Variants in PSD3 observed in about 807,000 individuals in gnomAD.
PSD3 encodes the protein PH and SEC7 domain-containing protein 3.
Under a neutral mutation model 105.5 loss-of-function variants are expected in PSD3, and 49 were observed. The observed-to-expected ratio is 0.46, with a 90% CI of 0.37 to 0.59. The LOEUF is 0.59. Among genes scored for constraint, PSD3 ranks in the 20% least tolerant of loss-of-function variants. PSD3 has a pLI of 0.00. For synonymous variants in PSD3, 557 were observed against 457.8 expected (o/e 1.22, Z -2.77); for missense variants, 1,561 against 1,263.8 (o/e 1.24, Z -3.57).
Position 18,828,190 on chromosome 8 carries a change from T to C in PSD3, c.1635-23292A>G, listed in dbSNP as rs116447796. 5.7e-3 allele frequency among the ~76,000 whole-genome samples: 860 copies of C among 151,650 alleles called. 16 individuals carry two copies. Among genetic ancestry groups the C allele is most frequent in the African/African-American group, 0.02 (816 of 41,356 alleles). On this transcript the variant is annotated intron_variant, in intron 4 of 15. Coordinates refer to ENST00000327040, the MANE Select transcript of PSD3 (RefSeq NM_015310.4). Reference sequence around the variant, plus strand: ...GCTCCTTGGCTCATGGTAATTTCCATGTCACAGATTTGCCAAAGGAAACAT... The same window carrying C: ...GCTCCTTGGCTCATGGTAATTTCCACGTCACAGATTTGCCAAAGGAAACAT...
chr8:18,828,047 G>GTGTATATA (rs1554515316), intron 4 of PSD3, among the ~76,000 whole-genome samples: 4 of 126,380 alleles, frequency 3.2e-5, no homozygotes, highest in African/African-American at 6.2e-5. Flanking sequence ...ATATATATAT[G>GTGTATATA]TATATATATA....
At chr8:18,583,315 G>A (rs1469401914) in intron 12 of PSD3, among the ~76,000 whole-genome samples, 4 of 152,100 alleles carry the variant, frequency 2.6e-5, no homozygotes, top group African/African-American at 9.7e-5. Context: ...GGTGGTCCCA[G>A]CTACTCAGGG....
At chr8:18,696,971 A>T (rs1327430498) in intron 9 of PSD3, among the ~76,000 whole-genome samples, 2 of 152,168 alleles carry the variant, frequency 1.3e-5, no homozygotes, top group Non-Finnish European at 2.9e-5. Context: ...ACGTTGGCTC[A>T]TGTCTATAAT....
chr8:18,914,172 G>C (rs1177573651), intron 2 of PSD3, among the ~76,000 whole-genome samples: 1 of 132,112 alleles, frequency 7.6e-6, no homozygotes, highest in Non-Finnish European at 1.6e-5. Context: ...CAGCATTTGA[G>C]AAAATTCAAC....
chr8:18,954,615 T>C (rs1037204240), intron 1 of PSD3, among the ~76,000 whole-genome samples: 1 of 152,180 alleles, frequency 6.6e-6, no homozygotes, highest in African/African-American at 2.4e-5. Context: ...TCTATCATAT[T>C]CCAATTTCAG....
At chr8:18,613,633 C>T (rs1352773908) in intron 11 of PSD3, among the ~76,000 whole-genome samples, 1 of 152,130 alleles carries the variant, frequency 6.6e-6, no homozygotes, top group Non-Finnish European at 1.5e-5. Context: ...TGTTCCTCTC[C>T]CAGATACCAT....
intron 9 of PSD3, among the ~76,000 whole-genome samples, chr8:18,707,382 T>C (rs1052447302): frequency 2.0e-5 from 3 of 152,200 alleles, no homozygotes; most frequent in African/African-American, 7.2e-5. Flanking sequence ...TCAAGAAGTG[T>C]TCATGAAATT....
At chr8:18,877,055 G>C (rs548244971) in intron 2 of PSD3, among the ~76,000 whole-genome samples, 63 of 152,170 alleles carry the variant, frequency 4.1e-4, no homozygotes, top group South Asian at 3.1e-3. Flanking sequence ...TATATATTCT[G>C]GACATAAGTT....
chr8:18,559,552 T>C (rs1801270617), intron 14 of PSD3, among the ~76,000 whole-genome samples: 1 of 152,174 alleles, frequency 6.6e-6, no homozygotes, highest in Non-Finnish European at 1.5e-5. Context: ...AATCCAATAA[T>C]TAGAATCCAA....
rs561267682 is a variant in PSD3 at position 18,961,480 on chromosome 8, G to A, written c.22-25338C>T. The stretch of plus-strand genomic sequence containing the variant: ...AAGGCGGGCGGATCATCTAAGGTCA[G>A]GAGTTCAAGACCAGCCTGGCCAACA... On this transcript the variant is annotated intron_variant, in intron 1 of 15. Coordinates refer to ENST00000327040, the MANE Select transcript of PSD3 (RefSeq NM_015310.4). Among the ~76,000 whole-genome samples, 9 of 152,284 alleles carry A rather than the reference G, an allele frequency of 5.9e-5. No homozygotes were observed. In the South Asian group the frequency reaches 1.9e-3, roughly 32 times the overall value.
chr8:18,645,650 G>A (rs1345079849), intron 10 of PSD3, among the ~76,000 whole-genome samples: 1 of 152,162 alleles, frequency 6.6e-6, no homozygotes. Context: ...GCGTGACACA[G>A]TATCTGCCAT....
chr8:19,083,813 T>C (rs1829719658), intron 1 of PSD3, among the ~76,000 whole-genome samples: 1 of 152,188 alleles, frequency 6.6e-6, no homozygotes, highest in African/African-American at 2.4e-5. Context: ...GGAGCTCTAT[T>C]TCTCAAAGTG....
chr8:18,857,688 C>G (rs1245094121), intron 4 of PSD3, among the ~76,000 whole-genome samples: 2 of 152,158 alleles, frequency 1.3e-5, no homozygotes, highest in Non-Finnish European at 2.9e-5. Context: ...GAATGTAAAC[C>G]ACTTGGACCT....
intron 9 of PSD3, among the ~76,000 whole-genome samples, chr8:18,692,447 G>C (rs1029912558): frequency 1.3e-5 from 2 of 152,164 alleles, no homozygotes; most frequent in East Asian, 1.9e-4. Flanking sequence ...AAATGAGGCA[G>C]GATCTGAAGA....
chr8:18,909,951 G>A lies in PSD3; in HGVS notation c.130+26083C>T, dbSNP rs142200593. On this transcript the variant is annotated intron_variant, in intron 2 of 15. Coordinates refer to ENST00000327040, the MANE Select transcript of PSD3 (RefSeq NM_015310.4). The stretch of plus-strand genomic sequence containing the variant: ...AACTTTGGTTGCTGGAAGTTACAGC[G>A]AAAGGAAAAAGTGGCAGGCTGGTGC... Among the ~76,000 whole-genome samples the A allele has an allele frequency of 7.2e-5, 11 of 152,282 alleles. No homozygotes were observed. In the East Asian group the frequency reaches 1.5e-3, roughly 21 times the overall value.
At chr8:18,562,788 C>T (rs1341907318) in intron 14 of PSD3, among the ~76,000 whole-genome samples, 2 of 152,052 alleles carry the variant, frequency 1.3e-5, no homozygotes, top group East Asian at 3.9e-4. Context: ...GCACTGGAGG[C>T]CGAGGCAGGG....
intron 2 of PSD3, among the ~76,000 whole-genome samples, chr8:18,893,893 G>A (rs1818975144): frequency 6.6e-6 from 1 of 152,168 alleles, no homozygotes; most frequent in African/African-American, 2.4e-5. Context: ...CTCCCCTTTA[G>A]TGATAGGTGA....
intron 9 of PSD3, among the ~76,000 whole-genome samples, chr8:18,656,197 A>G (rs2130855214): frequency 6.6e-6 from 1 of 152,180 alleles, no homozygotes; most frequent in Middle Eastern, 3.4e-3. Flanking sequence ...AGCTGGGATT[A>G]CAGGCGTGTG....
intron 2 of PSD3, among the ~76,000 whole-genome samples, chr8:18,874,714 A>G (rs1817619012): frequency 6.6e-6 from 1 of 151,370 alleles, no homozygotes; most frequent in African/African-American, 2.4e-5. Context: ...AAAAAAAAAA[A>G]AAAAAAAAAA....
Sources: gnomAD v4.1 joint callset for allele counts (sites outside exome capture counted in the v4.1 genomes callset) on GRCh38, gnomAD v4.1.1 for gene constraint, MANE v1.5 for transcripts, NCBI Gene and HGNC (gene_info 2026-07-23, HGNC 2026-07-21) for gene names.